Variants in ASPRV1 observed in about 807,000 individuals in gnomAD.
The protein encoded by ASPRV1 is aspartic peptidase retroviral like 1.
ASPRV1 carries 7 observed loss-of-function variants against 11.0 expected under a neutral mutation model. The ratio of observed to expected loss-of-function variants is 0.64; its 90% confidence interval spans 0.36 to 1.20. The LOEUF (loss-of-function observed/expected upper bound fraction) is 1.20, where lower values mean the gene tolerates loss of function less well. ASPRV1 is among the 50% of genes most tolerant of loss of function. The probability of loss-of-function intolerance (pLI) is 0.02; values close to 1 mark genes in which losing one functional copy is unlikely to be tolerated. For synonymous variants in ASPRV1, 136 were observed against 138.4 expected, an observed-to-expected ratio of 0.98 and a Z score of 0.12; for missense variants, 299 against 320.0, an observed-to-expected ratio of 0.93 and a Z score of 0.50.
At chr2:70,047,660 T>C in the ASPRV1 span, among the ~76,000 whole-genome samples, 1 of 151,438 alleles carries the variant, frequency 6.6e-6, no homozygotes, top group African/African-American at 2.4e-5. Context: ...AAAGTAAAAA[T>C]AGCAAAGGGA....
the ASPRV1 span, among the ~76,000 whole-genome samples, chr2:69,972,589 C>G: frequency 6.6e-6 from 1 of 151,920 alleles, no homozygotes; most frequent in South Asian, 2.1e-4. Context: ...AACTCCTGAC[C>G]TCAGGTGATC....
At chr2:70,007,227 T>C in the ASPRV1 span, among the ~76,000 whole-genome samples, 1 of 152,312 alleles carries the variant, frequency 6.6e-6, no homozygotes, top group African/African-American at 2.4e-5. Flanking sequence ...TAGAACGCTA[T>C]CTACTTAAGC....
the ASPRV1 span, among the ~76,000 whole-genome samples, chr2:69,934,103 A>G: frequency 6.6e-5 from 10 of 152,364 alleles, no homozygotes; most frequent in Admixed American, 6.5e-4. Flanking sequence ...CGGTGACAGC[A>G]CAGCAATGAT....
At chr2:69,989,148 C>T in the ASPRV1 span, among the ~76,000 whole-genome samples, 1 of 152,218 alleles carries the variant, frequency 6.6e-6, no homozygotes, top group Non-Finnish European at 1.5e-5. Flanking sequence ...ACACTTCTCC[C>T]GGGCTGGAGG....
chr2:70,041,459 C>T, the ASPRV1 span, among the ~76,000 whole-genome samples: 10 of 152,204 alleles, frequency 6.6e-5, no homozygotes, highest in South Asian at 1.7e-3. Flanking sequence ...AGCTTATCTC[C>T]ATTCAAGGAT....
chr2:70,066,099 T>TTTGGGAGGCTGA, the ASPRV1 span, among the ~76,000 whole-genome samples: 1 of 151,070 alleles, frequency 6.6e-6, no homozygotes, highest in Non-Finnish European at 1.5e-5. Flanking sequence ...ATCCCAGCAC[T>TTTGGGAGGCTGA]TTGGGAGGCT....
In ASPRV1 at chr2:69,960,478, G is replaced by A; in HGVS notation, c.*179C>T. On this transcript the variant is annotated 3_prime_UTR_variant, in exon 1 of 1. Coordinates refer to ENST00000320256, the MANE Select transcript of ASPRV1 (RefSeq NM_152792.4). The stretch of plus-strand genomic sequence containing the variant: ...TCTCCCTCACCTGTGCCTGTTCAGT[G>A]GAAGCCTCCCCTACCAGGGGCAGAT... 1.5e-6 allele frequency: 1 copy of A among 658,336 alleles called. No homozygotes were observed. The highest frequency in any genetic ancestry group is 2.5e-6 in the Non-Finnish European group (1 of 392,382). The allele number at this position is 658,336 out of a possible 1,614,324, so 40.8% of individuals were successfully genotyped here. A position where few individuals can be genotyped will look rare whatever the true frequency, so the allele number is the denominator to read the frequency against.
chr2:69,933,184 A>G, the ASPRV1 span, among the ~76,000 whole-genome samples: 3 of 143,162 alleles, frequency 2.1e-5, no homozygotes, highest in African/African-American at 5.2e-5. Flanking sequence ...GGGCGACAAG[A>G]GCAAGAACTC....
At chr2:69,971,835 T>C in the ASPRV1 span, among the ~76,000 whole-genome samples, 5 of 152,302 alleles carry the variant, frequency 3.3e-5, no homozygotes, top group South Asian at 1.0e-3. Flanking sequence ...TCTTTGGCCT[T>C]GTCAAGAGGG....
the ASPRV1 span, among the ~76,000 whole-genome samples, chr2:70,074,763 A>G: frequency 6.6e-6 from 1 of 151,790 alleles, no homozygotes; most frequent in African/African-American, 2.4e-5. Flanking sequence ...CACACAGTCC[A>G]TACTACCTAC....
At chr2:70,062,467 C>CG in the ASPRV1 span, among the ~76,000 whole-genome samples, 638 of 152,278 alleles carry the variant, frequency 4.2e-3, 4 homozygotes, top group African/African-American at 0.014. Context: ...AAGTATCCAG[C>CG]GCCCCCTCTC....
the ASPRV1 span, among the ~76,000 whole-genome samples, chr2:69,982,724 C>T: frequency 1.3e-5 from 2 of 152,140 alleles, no homozygotes; most frequent in Admixed American, 6.5e-5. Context: ...CTGGGGGCTG[C>T]TTCCCCCCTT....
At chr2:69,947,523 T>G in the ASPRV1 span, among the ~76,000 whole-genome samples, 1 of 152,182 alleles carries the variant, frequency 6.6e-6, no homozygotes, top group Non-Finnish European at 1.5e-5. Flanking sequence ...CAGTTTCCCC[T>G]TAGTCTCTTC....
chr2:70,005,622 T>C, the ASPRV1 span, among the ~76,000 whole-genome samples: 1 of 152,192 alleles, frequency 6.6e-6, no homozygotes, highest in Non-Finnish European at 1.5e-5. Flanking sequence ...GGTTTAATAA[T>C]AAAGCATTTA....
the ASPRV1 span, among the ~76,000 whole-genome samples, chr2:70,044,348 G>C: frequency 6.6e-6 from 1 of 152,128 alleles, no homozygotes; most frequent in Admixed American, 6.6e-5. Flanking sequence ...TCCATCACCT[G>C]ACACCTTCAA....
chr2:70,023,618 GA>G, the ASPRV1 span, among the ~76,000 whole-genome samples: 38 of 150,498 alleles, frequency 2.5e-4, no homozygotes, highest in African/African-American at 8.1e-4. Flanking sequence ...AGGTTGCAGT[GA>G]GCCAAGAATG....
At chr2:70,028,737 G>A in the ASPRV1 span, 1 of 152,214 alleles carries the variant, frequency 6.6e-6, no homozygotes, top group Non-Finnish European at 1.5e-5. Flanking sequence ...CTCCTCCCTT[G>A]CGCATGTATA....
chr2:70,042,061 C>A, the ASPRV1 span, among the ~76,000 whole-genome samples: 4 of 151,896 alleles, frequency 2.6e-5, no homozygotes, highest in African/African-American at 9.7e-5. Flanking sequence ...TTCCACCAAA[C>A]ACATATTCTG....
chr2:69,955,232 G>A (rs984020602), downstream of ASPRV1, among the ~76,000 whole-genome samples: 2 of 152,182 alleles, frequency 1.3e-5, no homozygotes, highest in African/African-American at 4.8e-5. Context: ...CACCTCCCTG[G>A]AGCGTGGAGG....
Sources: allele counts gnomAD v4.1 joint callset (sites outside exome capture counted in the v4.1 genomes callset), GRCh38; gene constraint gnomAD v4.1.1; transcripts MANE v1.5; gene names NCBI Gene and HGNC (gene_info 2026-07-23, HGNC 2026-07-21).